Variants in TAGLN3 observed in about 807,000 individuals in gnomAD.
The protein encoded by TAGLN3 is transgelin 3, also known as transgelin-3.
A neutral mutation model predicts 25.4 loss-of-function variants in TAGLN3; 12 were observed. The ratio of observed to expected loss-of-function variants is 0.47; its 90% CI spans 0.30 to 0.77. TAGLN3 has a LOEUF of 0.77. Ranked by LOEUF, TAGLN3 falls within the 30% of genes least tolerant of loss-of-function variation. TAGLN3 has a pLI of 0.06. For synonymous variants in TAGLN3, 96 were observed against 94.8 expected, an observed-to-expected ratio of 1.01 and a Z score of -0.08; for missense variants, 218 against 255.8, an observed-to-expected ratio of 0.85 and a Z score of 1.01.
intron 1 of TAGLN3, 101 bp from the exon 2 acceptor site, chr3:111,999,320 G>A: frequency 7.3e-7 from 1 of 1,368,464 alleles, no homozygotes; most frequent in South Asian, 1.5e-5. Context: ...GCTGCTGCTG[G>A]GCCAGGTTGC....
chr3:112,004,146 T>C (rs1318487920), intron 3 of TAGLN3, among the ~76,000 whole-genome samples: 1 of 152,326 alleles, frequency 6.6e-6, no homozygotes, highest in East Asian at 1.9e-4. Flanking sequence ...CTTTCAGTGA[T>C]GGAGAAGAAG....
chr3:112,003,518 T>C (rs1174722111), intron 3 of TAGLN3, among the ~76,000 whole-genome samples: 1 of 152,180 alleles, frequency 6.6e-6, no homozygotes, highest in Non-Finnish European at 1.5e-5. Flanking sequence ...GCACGTGTTA[T>C]GTGTCTATGT....
intron 3 of TAGLN3, among the ~76,000 whole-genome samples, chr3:112,006,033 A>G (rs1353294677): frequency 6.6e-6 from 1 of 151,990 alleles, no homozygotes; most frequent in East Asian, 1.9e-4. Context: ...TGCTGAGATT[A>G]CAGGCGTGAG....
In TAGLN3 at chr3:112,013,399, T is replaced by G; in HGVS notation, c.459-11T>G. The G allele has an allele frequency of 6.2e-7, 1 of 1,607,476 alleles. No individual in the cohort carries two copies. The highest frequency in any genetic ancestry group is 1.1e-5 in the South Asian group (1 of 90,874). ...ATAATGACATTATTCCCTCTCACTTTCCTTGTCCAGGAAAGCCCAGCAGAA... is the reference window on the plus strand; with the variant it reads ...ATAATGACATTATTCCCTCTCACTTGCCTTGTCCAGGAAAGCCCAGCAGAA... On this transcript the variant is annotated splice_polypyrimidine_tract_variant and intron_variant, in intron 4 of 4. Transcript: ENST00000478951.
rs748629105 is a variant in TAGLN3, at chr3:112,000,844, A to G, written c.253A>G (p.Met85Val). Residue 85 changes from methionine to valine, a missense_variant, in exon 3 of 5, where the codon ATG (methionine) becomes GTG (valine). Physicochemically the swap from Met to Val is conservative, Grantham distance 21. Coordinates refer to ENST00000478951, the MANE Select transcript of TAGLN3 (RefSeq NM_001008272.2). ...EPIPKISESK[M>V]AFKQMEQISQ... The stretch of plus-strand genomic sequence containing the variant: ...CATACCCAAGATCTCAGAGTCAAAG[A>G]TGGCTTTTAAGCAGATGGAGCAAAT... The G allele has an allele frequency of 6.2e-7, 1 of 1,614,176 alleles. No individual in the cohort carries two copies. The highest frequency in any genetic ancestry group is 8.5e-7 in the Non-Finnish European group (1 of 1,180,028).
At chr3:112,007,139 G>A (rs2072927032) in intron 3 of TAGLN3, among the ~76,000 whole-genome samples, 1 of 152,224 alleles carries the variant, frequency 6.6e-6, no homozygotes, top group South Asian at 2.1e-4. Flanking sequence ...TGAGAGGAAG[G>A]TACAGATATT....
chr3:111,999,142 C>T (rs2072822679), intron 1 of TAGLN3, 28 bp downstream of exon 1: 4 of 338,796 alleles, frequency 1.2e-5, no homozygotes. Context: ...CATCTGGTCT[C>T]ATTGATAGGC....
At chr3:112,002,652 C>CA (rs1553759827) in intron 3 of TAGLN3, among the ~76,000 whole-genome samples, 3 of 151,016 alleles carry the variant, frequency 2.0e-5, no homozygotes, top group East Asian at 1.9e-4. Context: ...GTCCCCCCCC[C>CA]ACCCCACAAA....
At chr3:112,009,823 G>A (rs1190621603) in intron 3 of TAGLN3, among the ~76,000 whole-genome samples, 2 of 152,000 alleles carry the variant, frequency 1.3e-5, no homozygotes, top group Admixed American at 1.3e-4. Context: ...TCTTTCTCAA[G>A]TGTAATCACT....
At position 112,013,572 on chromosome 3, in the gene TAGLN3, G is replaced by A. The variant is rs1040665679; in HGVS notation, c.*21G>A. 2.5e-6 allele frequency: 4 copies of A among 1,613,876 alleles called. No homozygotes were observed. The highest frequency in any genetic ancestry group is 2.2e-5 in the East Asian group (1 of 44,880). On this transcript the variant is annotated 3_prime_UTR_variant, in exon 5 of 5. Transcript: ENST00000478951. ...TGTAGGACGCGGCATCCTGCCCCTG[G>A]TAGAGAGGACGAATGTTCCACACCA...
chr3:112,010,119 A>G (rs2072960397), intron 3 of TAGLN3, among the ~76,000 whole-genome samples: 1 of 152,050 alleles, frequency 6.6e-6, no homozygotes, highest in Non-Finnish European at 1.5e-5. Flanking sequence ...AGATGCAGGG[A>G]TACCAGGGAT....
At chr3:112,004,387 G>T (rs553067627) in intron 3 of TAGLN3, among the ~76,000 whole-genome samples, 1 of 152,168 alleles carries the variant, frequency 6.6e-6, no homozygotes, top group African/African-American at 2.4e-5. Flanking sequence ...AAGAAAGGTG[G>T]GGGGCGGGGG....
intron 4 of TAGLN3, 133 bp downstream of exon 4, chr3:112,011,998 T>G: frequency 1.4e-6 from 1 of 740,164 alleles, no homozygotes; most frequent in Middle Eastern, 3.6e-4. Context: ...ACAACTGAGT[T>G]CCCCAAAGCA....
chr3:112,000,635 C>T, intron 2 of TAGLN3, 137 bp from the exon 3 acceptor site: 9 of 878,498 alleles, frequency 1.0e-5, no homozygotes, highest in Non-Finnish European at 1.4e-5. Context: ...GCCCAGAGCC[C>T]GTGCCTTCCT....
intron 2 of TAGLN3, chr3:112,000,480 C>A: frequency 3.4e-6 from 1 of 298,152 alleles, no homozygotes; most frequent in Non-Finnish European, 6.2e-6. Flanking sequence ...TATCTGTAAA[C>A]ATCCTTTCCC....
At chr3:112,004,313 CT>C (rs754150800) in intron 3 of TAGLN3, among the ~76,000 whole-genome samples, 37 of 152,140 alleles carry the variant, frequency 2.4e-4, no homozygotes, top group Non-Finnish European at 3.8e-4. Flanking sequence ...AGAAAGTACT[CT>C]GCAGGTAAGA....
At chr3:112,003,260 G>A (rs947932682) in intron 3 of TAGLN3, among the ~76,000 whole-genome samples, 2 of 152,090 alleles carry the variant, frequency 1.3e-5, no homozygotes, top group Non-Finnish European at 2.9e-5. Flanking sequence ...TAAGTTGGAG[G>A]GGATATCTGA....
intron 3 of TAGLN3, among the ~76,000 whole-genome samples, chr3:112,004,618 A>G (rs1423049019): frequency 2.0e-5 from 3 of 152,218 alleles, no homozygotes; most frequent in Non-Finnish European, 4.4e-5. Flanking sequence ...GGATAATCAT[A>G]TGTATTTCAC....
intron 2 of TAGLN3, among the ~76,000 whole-genome samples, chr3:112,000,267 T>A (rs1241380723): frequency 6.6e-6 from 1 of 152,116 alleles, no homozygotes; most frequent in Non-Finnish European, 1.5e-5. Flanking sequence ...TATATATATA[T>A]CTGGGAAAAA....
Sources: gnomAD v4.1 joint callset for allele counts (sites outside exome capture counted in the v4.1 genomes callset) on GRCh38, gnomAD v4.1.1 for gene constraint, MANE v1.5 for transcripts, NCBI Gene and HGNC (gene_info 2026-07-23, HGNC 2026-07-21) for gene names.